The following LTBP1 variants were observed in gnomAD, a reference collection of about 807,000 sequenced individuals.
LTBP1 encodes the protein latent-transforming growth factor beta-binding protein 1.
LTBP1 carries 129 observed loss-of-function variants against 207.6 expected under a neutral mutation model. The ratio of observed to expected loss-of-function variants is 0.62; its 90% CI spans 0.54 to 0.72. The LOEUF (loss-of-function observed/expected upper bound fraction) is 0.72. Ranked by LOEUF, LTBP1 falls within the 30% of genes least tolerant of loss-of-function variation. The pLI, the probability that LTBP1 is intolerant of heterozygous loss-of-function variation, is 0.00. For synonymous variants in LTBP1, 963 were observed against 833.7 expected (o/e 1.16, Z -2.67); for missense variants, 2,281 against 2,217.2 (o/e 1.03, Z -0.58).
At chr2:33,179,851 CT>C (rs1174739845) in intron 5 of LTBP1, among the ~76,000 whole-genome samples, 1 of 152,076 alleles carries the variant, frequency 6.6e-6, no homozygotes, top group Non-Finnish European at 1.5e-5. Context: ...CATTTATATT[CT>C]TTGTGTTTAA....
intron 7 of LTBP1, among the ~76,000 whole-genome samples, chr2:33,190,315 A>G (rs553933984): frequency 5.3e-5 from 8 of 151,962 alleles, no homozygotes; most frequent in Admixed American, 2.6e-4. Context: ...TTCCTCTGCG[A>G]TGTCTTGAAT....
At chr2:32,977,741 C>G (rs1316329772) in intron 2 of LTBP1, among the ~76,000 whole-genome samples, 3 of 152,188 alleles carry the variant, frequency 2.0e-5, no homozygotes, top group Non-Finnish European at 4.4e-5. Flanking sequence ...GGGAGCTTCT[C>G]ATGGGTCTGT....
intron 5 of LTBP1, among the ~76,000 whole-genome samples, chr2:33,139,824 C>A (rs2082496327): frequency 6.6e-6 from 1 of 152,136 alleles, no homozygotes; most frequent in South Asian, 2.1e-4. Flanking sequence ...GGAATAGTTT[C>A]ACTTAAATGT....
intron 12 of LTBP1, 41 bp downstream of exon 12, chr2:33,257,552 G>C (rs1173100850): frequency 6.6e-7 from 1 of 1,510,600 alleles, no homozygotes; most frequent in Non-Finnish European, 9.2e-7. Context: ...ACATCTATCT[G>C]TGTGTCTTTG....
chr2:33,154,487 G>T (rs765360797), intron 5 of LTBP1, among the ~76,000 whole-genome samples: 3 of 152,070 alleles, frequency 2.0e-5, no homozygotes, highest in Non-Finnish European at 4.4e-5. Context: ...TGTACCATGC[G>T]TTGTTCAGTT....
intron 9 of LTBP1, among the ~76,000 whole-genome samples, chr2:33,223,594 G>A (rs59846966): frequency 0.031 from 4,670 of 152,252 alleles, 97 homozygotes; most frequent in Middle Eastern, 0.14. Flanking sequence ...ATTTTAAGAT[G>A]CATGTTTTAC....
intron 3 of LTBP1, among the ~76,000 whole-genome samples, chr2:33,099,208 A>C (rs960599184): frequency 3.9e-5 from 6 of 152,206 alleles, no homozygotes; most frequent in Admixed American, 2.6e-4. Flanking sequence ...CAGATGTTTG[A>C]ATTTGGTTAA....
At chr2:33,205,996 A>G (rs1032993624) in intron 7 of LTBP1, among the ~76,000 whole-genome samples, 6 of 152,160 alleles carry the variant, frequency 3.9e-5, no homozygotes, top group African/African-American at 1.4e-4. Context: ...TCCAGCCTCC[A>G]GAACTGTGAG....
At chr2:33,274,540 T>C (rs2093386541) in intron 16 of LTBP1, among the ~76,000 whole-genome samples, 1 of 152,196 alleles carries the variant, frequency 6.6e-6, no homozygotes, top group Non-Finnish European at 1.5e-5. Flanking sequence ...TGTGTCACTT[T>C]CAGAACCTAG....
At chr2:33,002,319 T>C (rs1686156736) in intron 2 of LTBP1, among the ~76,000 whole-genome samples, 1 of 152,164 alleles carries the variant, frequency 6.6e-6, no homozygotes, top group Admixed American at 6.5e-5. Context: ...GTGCAGGTGG[T>C]GGAGTGAGCA....
rs557459318 is a variant in LTBP1, at chr2:33,083,370, A to G, written c.864-27212A>G. Among the ~76,000 whole-genome samples the G allele has an allele frequency of 2.6e-5, 4 of 152,230 alleles. No homozygotes were observed. The South Asian group carries it at 8.3e-4, about 32-fold the overall frequency. Reference sequence around the variant, plus strand: ...TCATTTCTCAAAAAATGTGTCCTCCACAGGATGGATCTCAGTTGAGGCGGG... The same window carrying G: ...TCATTTCTCAAAAAATGTGTCCTCCGCAGGATGGATCTCAGTTGAGGCGGG... On this transcript the variant is annotated intron_variant, in intron 3 of 33. Coordinates refer to ENST00000404816, the MANE Select transcript of LTBP1 (RefSeq NM_206943.4).
At chr2:33,286,338 A>G (rs1346605361) in intron 19 of LTBP1, among the ~76,000 whole-genome samples, 1 of 152,254 alleles carries the variant, frequency 6.6e-6, no homozygotes, top group Non-Finnish European at 1.5e-5. Context: ...AACTTGAAGA[A>G]TAAACTTGGA....
At chr2:33,141,006 G>T (rs1347768874) in intron 5 of LTBP1, among the ~76,000 whole-genome samples, 1 of 152,208 alleles carries the variant, frequency 6.6e-6, no homozygotes, top group African/African-American at 2.4e-5. Flanking sequence ...ACCTTTAAAA[G>T]GCTAGTATTA....
chr2:33,174,390 T>C (rs2148510475), intron 5 of LTBP1, among the ~76,000 whole-genome samples: 1 of 152,222 alleles, frequency 6.6e-6, no homozygotes, highest in South Asian at 2.1e-4. Flanking sequence ...AAATCATGAG[T>C]GAACTCCCAT....
At position 33,110,640 on chromosome 2, in the gene LTBP1, G is replaced by A. The variant is rs117874429; in HGVS notation, c.922G>A (p.Val308Met). 1.2e-5 allele frequency: 19 copies of A among 1,613,990 alleles called. No individual in the cohort carries two copies. Among genetic ancestry groups the A allele is most frequent in the African/African-American group, 4.0e-5 (3 of 74,914 alleles). The change falls in exon 4 of 34, where the codon GTG becomes ATG. Residue 308 changes from valine to methionine, a missense_variant. Coordinates refer to ENST00000404816, the MANE Select transcript of LTBP1 (RefSeq NM_206943.4). ...VIHHGQTQEY[V>M]LKPKYFPAQK... is the part of the protein sequence containing the mutation. ...TCACCATGGCCAGACCCAGGAATAC[G>A]TGCTCAAGCCCAAGTACTTTCCAGC...
intron 2 of LTBP1, among the ~76,000 whole-genome samples, chr2:33,017,115 G>A (rs775182799): frequency 3.9e-5 from 6 of 152,182 alleles, no homozygotes; most frequent in Admixed American, 1.3e-4. Flanking sequence ...TCACGTAAAT[G>A]CTATGAATTT....
At chr2:33,288,713 G>C (rs2093714900) in intron 19 of LTBP1, among the ~76,000 whole-genome samples, 1 of 152,048 alleles carries the variant, frequency 6.6e-6, no homozygotes, top group Non-Finnish European at 1.5e-5. Context: ...AAATTAGCCA[G>C]GTGTGCTGGC....
chr2:33,036,239 G>T (rs1006934657), intron 3 of LTBP1, among the ~76,000 whole-genome samples: 1 of 152,106 alleles, frequency 6.6e-6, no homozygotes. Context: ...GTCTGGGGAG[G>T]GGTGGAGAAT....
At chr2:33,326,714 A>C (rs1050646822) in intron 24 of LTBP1, among the ~76,000 whole-genome samples, 3 of 147,856 alleles carry the variant, frequency 2.0e-5, no homozygotes, top group Non-Finnish European at 4.4e-5. Flanking sequence ...GCTGGAGTGC[A>C]GTGGTGCAAT....
Sources: allele counts gnomAD v4.1 joint callset (sites outside exome capture counted in the v4.1 genomes callset), GRCh38; gene constraint gnomAD v4.1.1; transcripts MANE v1.5; gene names NCBI Gene and HGNC (gene_info 2026-07-23, HGNC 2026-07-21).